GRIA2: variants seen among roughly 807,000 people sequenced by gnomAD.
GRIA2 encodes the protein glutamate ionotropic receptor AMPA type subunit 2, also known as glutamate receptor 2.
A neutral mutation model predicts 97.3 loss-of-function variants in GRIA2; 14 were observed. The ratio of observed to expected loss-of-function variants is 0.14; its 90% CI spans 0.10 to 0.23. The LOEUF (loss-of-function observed/expected upper bound fraction) is 0.23. GRIA2 is among the 10% of genes least tolerant of loss of function. The pLI, the probability that GRIA2 is intolerant of heterozygous loss-of-function variation, is 1.00. For missense variants in GRIA2, 558 were observed against 1,069.8 expected, an observed-to-expected ratio of 0.52 and a Z score of 6.67; for synonymous variants, 412 against 387.8, an observed-to-expected ratio of 1.06 and a Z score of -0.73.
intron 2 of GRIA2, among the ~76,000 whole-genome samples, chr4:157,294,956 T>TA (rs1311088105): frequency 1.3e-5 from 2 of 152,110 alleles, no homozygotes; most frequent in South Asian, 4.1e-4. Flanking sequence ...ATCCCAAAGA[T>TA]AAAGAATGAG....
At chr4:157,358,106 C>G (rs1020345665) in intron 12 of GRIA2, among the ~76,000 whole-genome samples, 1 of 152,112 alleles carries the variant, frequency 6.6e-6, no homozygotes, top group African/African-American at 2.4e-5. Flanking sequence ...TGTGAGAATT[C>G]ACATTACAAA....
intron 2 of GRIA2, among the ~76,000 whole-genome samples, chr4:157,297,650 G>A (rs1560753180): frequency 6.6e-6 from 1 of 152,104 alleles, no homozygotes; most frequent in African/African-American, 2.4e-5. Context: ...CCCTAGAGCT[G>A]CTGTTTCTGA....
intron 2 of GRIA2, among the ~76,000 whole-genome samples, chr4:157,230,219 C>G (rs532735510): frequency 6.6e-6 from 1 of 152,226 alleles, no homozygotes; most frequent in South Asian, 2.1e-4. Flanking sequence ...TACAATTTCT[C>G]TAGCATCAGT....
intron 2 of GRIA2, chr4:157,249,844 C>A (rs543248105): frequency 1.3e-5 from 2 of 152,166 alleles, no homozygotes; most frequent in African/African-American, 4.8e-5. Flanking sequence ...AGAGAACCAC[C>A]ATTTTAGTGG....
In GRIA2 at chr4:157,237,344, G is replaced by A. The variant is rs145939726; in HGVS notation, c.229+15537G>A. Among the ~76,000 whole-genome samples the A allele has an allele frequency of 2.8e-3, 417 of 151,162 alleles. 4 individuals carry two copies. The highest frequency in any genetic ancestry group is 0.014 in the Middle Eastern group (4 of 294). On this transcript the variant is annotated intron_variant, in intron 2 of 15. Transcript: ENST00000264426. ...CTCATTCTGTCATCCACCCAGGCTGGAGTGCAGTGGCATGATCATGGCTCA... is the reference window on the plus strand; with the variant it reads ...CTCATTCTGTCATCCACCCAGGCTGAAGTGCAGTGGCATGATCATGGCTCA...
chr4:157,336,401 T>C lies in GRIA2; in HGVS notation c.1498T>C (p.Leu500=), dbSNP rs764005718. The C allele has an allele frequency of 3.3e-5, 51 of 1,568,052 alleles. 2 individuals are homozygous for C. The South Asian group carries it at 5.9e-4, about 18-fold the overall frequency. The change falls in exon 11 of 16, where the codon TTA becomes CTA. Residue 500 remains leucine (L), a synonymous_variant. Coordinates refer to ENST00000264426, the MANE Select transcript of GRIA2 (RefSeq NM_001083619.3). ...GAAAGCTGATATTGCAATTGCTCCA[T>C]TAACTATTACCCTTGTGAGAGAAGA... ...YGKADIAIAP[L]TITLVREEVI... is the part of the protein sequence containing the mutation.
intron 2 of GRIA2, among the ~76,000 whole-genome samples, chr4:157,234,096 A>C (rs1485738909): frequency 2.0e-5 from 3 of 152,116 alleles, no homozygotes; most frequent in Non-Finnish European, 4.4e-5. Flanking sequence ...AATCAGCTAA[A>C]CTTTCTAGTC....
intron 12 of GRIA2, among the ~76,000 whole-genome samples, chr4:157,355,931 ATTT>A (rs1560781137): frequency 4.7e-5 from 2 of 42,428 alleles, no homozygotes; most frequent in Non-Finnish European, 8.8e-5. Flanking sequence ...ATTTATATAT[ATTT>A]ATATATTAAT....
At chr4:157,237,124 C>T (rs775974351) in intron 2 of GRIA2, among the ~76,000 whole-genome samples, 1 of 151,890 alleles carries the variant, frequency 6.6e-6, no homozygotes, top group Non-Finnish European at 1.5e-5. Context: ...TGCTTTAATA[C>T]CATCATATTT....
At chr4:157,295,806 C>G (rs1045531252) in intron 2 of GRIA2, among the ~76,000 whole-genome samples, 13 of 152,152 alleles carry the variant, frequency 8.5e-5, no homozygotes, top group Middle Eastern at 6.8e-3. Context: ...CAATTTTTAC[C>G]TGGAAACCTA....
chr4:157,285,550 A>G (rs1732798700), intron 2 of GRIA2, among the ~76,000 whole-genome samples: 1 of 147,810 alleles, frequency 6.8e-6, no homozygotes, highest in Non-Finnish European at 1.5e-5. Context: ...TAGCCTACCT[A>G]TAATATTTGT....
intron 2 of GRIA2, among the ~76,000 whole-genome samples, chr4:157,251,487 G>T (rs1157223599): frequency 6.6e-6 from 1 of 152,086 alleles, no homozygotes; most frequent in African/African-American, 2.4e-5. Flanking sequence ...TTTTTCACTG[G>T]AGTCTGTACA....
intron 8 of GRIA2, among the ~76,000 whole-genome samples, 194 bp downstream of exon 8, chr4:157,333,547 A>T (rs568217796): frequency 6.6e-6 from 1 of 152,014 alleles, no homozygotes; most frequent in Non-Finnish European, 1.5e-5. Context: ...TTGTAATTTT[A>T]AAAATAATTA....
At chr4:157,356,139 A>T (rs1560781694) in intron 12 of GRIA2, among the ~76,000 whole-genome samples, 2 of 127,678 alleles carry the variant, frequency 1.6e-5, no homozygotes, top group East Asian at 4.3e-4. Flanking sequence ...ATATATTTAT[A>T]TATTTATATT....
chr4:157,252,968 G>T (rs1731080417), intron 2 of GRIA2, among the ~76,000 whole-genome samples: 1 of 152,016 alleles, frequency 6.6e-6, no homozygotes, highest in Non-Finnish European at 1.5e-5. Context: ...AAGAAAAAGA[G>T]ATTTGCAGAA....
intron 6 of GRIA2, among the ~76,000 whole-genome samples, chr4:157,323,233 G>C (rs1734657242): frequency 6.7e-6 from 1 of 149,302 alleles, no homozygotes; most frequent in African/African-American, 2.5e-5. Flanking sequence ...TACTCCGGAG[G>C]CTGAGGCAGG....
At chr4:157,268,584 T>G (rs953091476) in intron 2 of GRIA2, among the ~76,000 whole-genome samples, 1 of 152,016 alleles carries the variant, frequency 6.6e-6, no homozygotes, top group Non-Finnish European at 1.5e-5. Flanking sequence ...TTTAAATATT[T>G]AAAGCAGTTT....
chr4:157,272,533 G>C (rs1344916642), intron 2 of GRIA2, among the ~76,000 whole-genome samples: 1 of 152,068 alleles, frequency 6.6e-6, no homozygotes, highest in Non-Finnish European at 1.5e-5. Flanking sequence ...ACTCCAGGGA[G>C]ACCCAGTCAT....
At chr4:157,335,559 T>C (rs1735244723) in intron 9 of GRIA2, 112 bp from the exon 10 acceptor site, 2 of 686,362 alleles carry the variant, frequency 2.9e-6, no homozygotes, top group Non-Finnish European at 2.6e-6. Context: ...CCATCTATAT[T>C]CTTCATTCAC....
Sources: gnomAD v4.1 joint callset for allele counts (sites outside exome capture counted in the v4.1 genomes callset) on GRCh38, gnomAD v4.1.1 for gene constraint, MANE v1.5 for transcripts, NCBI Gene and HGNC (gene_info 2026-07-23, HGNC 2026-07-21) for gene names.